Variants in SH3RF1 observed in about 807,000 individuals in gnomAD.
SH3RF1 encodes the protein E3 ubiquitin-protein ligase SH3RF1.
SH3RF1 carries 32 observed loss-of-function variants against 74.0 expected under a neutral mutation model. The observed-to-expected ratio is 0.43, with a 90% CI of 0.33 to 0.58. The LOEUF (loss-of-function observed/expected upper bound fraction) is 0.58, where lower values mean the gene tolerates loss of function less well. Among genes scored for constraint, SH3RF1 ranks in the 20% least tolerant of loss-of-function variants. The pLI is 0.05. For missense variants in SH3RF1, 954 were observed against 1,130.9 expected (o/e 0.84, Z 2.24); for synonymous variants, 396 against 439.6 (o/e 0.90, Z 1.24).
intron 2 of SH3RF1, among the ~76,000 whole-genome samples, chr4:169,211,838 A>G (rs1181109644): frequency 1.3e-5 from 2 of 152,160 alleles, no homozygotes; most frequent in Non-Finnish European, 2.9e-5. Context: ...CCAAGTCACC[A>G]TCTGGATAAC....
At chr4:169,212,226 A>G (rs1730389477) in intron 2 of SH3RF1, among the ~76,000 whole-genome samples, 1 of 151,604 alleles carries the variant, frequency 6.6e-6, no homozygotes, top group South Asian at 2.1e-4. Flanking sequence ...CACCATGCCC[A>G]GCTGATTTTG....
At chr4:169,196,422 G>T (rs1358188915) in intron 2 of SH3RF1, among the ~76,000 whole-genome samples, 1 of 152,198 alleles carries the variant, frequency 6.6e-6, no homozygotes, top group African/African-American at 2.4e-5. Context: ...AGAACCTATA[G>T]ACAATGTTAG....
intron 4 of SH3RF1, among the ~76,000 whole-genome samples, chr4:169,147,457 A>G: frequency 6.6e-6 from 1 of 152,182 alleles, no homozygotes; most frequent in Non-Finnish European, 1.5e-5. Context: ...TACTTAAAGC[A>G]CGTGTGGATG....
rs772495249 is a variant in SH3RF1, at chr4:169,116,630, A to G, written c.1778T>C (p.Val593Ala). Reference protein sequence around the residue: ...VNQARNAVRTVAAHNQERPTA... With the variant: ...VNQARNAVRTAAAHNQERPTA... ...GGGGCGTTCCTGGTTGTGCGCTGCA[A>G]CTAGTAGATGGGAAGAGGGAACACA... The change falls in exon 10 of 12, where the codon GTT (valine) becomes GCT (alanine). Residue 593 changes from valine (V) to alanine (A), a missense_variant and splice_region_variant. Val to Ala is a moderately conservative substitution (Grantham distance 64). Coordinates refer to ENST00000284637, the MANE Select transcript of SH3RF1 (RefSeq NM_020870.4). The G allele has an allele frequency of 6.5e-7, 1 of 1,530,224 alleles. No homozygotes were observed. The highest frequency in any genetic ancestry group is 8.8e-7 in the Non-Finnish European group (1 of 1,135,908). 94.8% of individuals were successfully genotyped at this position (1,530,224 alleles called of 1,614,324 possible).
intron 2 of SH3RF1, among the ~76,000 whole-genome samples, chr4:169,248,775 C>T (rs1731049590): frequency 1.3e-5 from 2 of 152,298 alleles, no homozygotes; most frequent in South Asian, 4.1e-4. Context: ...CAGACACAGA[C>T]AACAAAGGCT....
chr4:169,234,946 G>A (rs562680563), intron 2 of SH3RF1, among the ~76,000 whole-genome samples: 2 of 152,172 alleles, frequency 1.3e-5, no homozygotes, highest in East Asian at 3.9e-4. Context: ...ATGACAAAAT[G>A]TCACCAGACA....
intron 4 of SH3RF1, among the ~76,000 whole-genome samples, chr4:169,153,391 T>G (rs1734003381): frequency 1.3e-5 from 2 of 152,202 alleles, no homozygotes; most frequent in Non-Finnish European, 2.9e-5. Flanking sequence ...AGAGAATTAT[T>G]TACCAATTTT....
intron 2 of SH3RF1, among the ~76,000 whole-genome samples, chr4:169,165,951 CA>C (rs1436738047): frequency 6.6e-6 from 1 of 151,988 alleles, no homozygotes; most frequent in Non-Finnish European, 1.5e-5. Flanking sequence ...ACACTATACA[CA>C]AAAATTAATT....
chr4:169,137,612 C>T (rs1408100956), intron 4 of SH3RF1, among the ~76,000 whole-genome samples: 1 of 152,170 alleles, frequency 6.6e-6, no homozygotes, highest in African/African-American at 2.4e-5. Flanking sequence ...ACACATTGGG[C>T]ACTTCACAAA....
Position 169,116,566 on chromosome 4 carries a change from G to A in SH3RF1, c.1842C>T (p.Ala614=), listed in dbSNP as rs377074300. 1.6e-4 allele frequency: 262 copies of A among 1,600,960 alleles called. No homozygotes were observed. Among genetic ancestry groups the A allele is most frequent in the South Asian group, 2.4e-4 (21 of 88,610 alleles). ...AVTPIQVQNA[A]GLSPASVGLS... is the part of the protein sequence containing the mutation. ...GGCCCACAGATGCAGGGCTGAGGCCGGCGGCATTCTGTACCTGGATGGGTG... is the reference window on the plus strand; with the variant it reads ...GGCCCACAGATGCAGGGCTGAGGCCAGCGGCATTCTGTACCTGGATGGGTG... Residue 614 remains alanine (A), a synonymous_variant, in exon 10 of 12, where the codon GCC becomes GCT. Coordinates refer to ENST00000284637, the MANE Select transcript of SH3RF1 (RefSeq NM_020870.4).
At chr4:169,096,745 T>C in intron 11 of SH3RF1, 58 bp from the exon 12 acceptor site, 2 of 1,529,714 alleles carry the variant, frequency 1.3e-6, no homozygotes, top group Non-Finnish European at 8.9e-7. Context: ...TAAAAAATGG[T>C]GTACTGTTAG....
intron 2 of SH3RF1, 46 bp from the exon 3 acceptor site, chr4:169,156,725 A>G (rs1224850322): frequency 6.6e-7 from 1 of 1,507,518 alleles, no homozygotes; most frequent in East Asian, 2.3e-5. Flanking sequence ...TAATGGTCTT[A>G]AAATGTCTCT....
intron 11 of SH3RF1, among the ~76,000 whole-genome samples, chr4:169,097,362 T>C (rs1732949892): frequency 6.6e-6 from 1 of 152,184 alleles, no homozygotes; most frequent in African/African-American, 2.4e-5. Flanking sequence ...AATCCAACAT[T>C]ACCAGTAACG....
chr4:169,216,050 C>T (rs1015704465), intron 2 of SH3RF1, among the ~76,000 whole-genome samples: 4 of 152,094 alleles, frequency 2.6e-5, no homozygotes, highest in Non-Finnish European at 5.9e-5. Flanking sequence ...GAGATCTGCC[C>T]ACCTTGGCCT....
chr4:169,140,679 C>T (rs1056046279), intron 4 of SH3RF1, among the ~76,000 whole-genome samples: 7 of 152,118 alleles, frequency 4.6e-5, no homozygotes, highest in Non-Finnish European at 1.0e-4. Flanking sequence ...TATGGTTGCC[C>T]TCTTTGCTAG....
At position 169,107,058 on chromosome 4, in the gene SH3RF1, G is replaced by C. The variant is rs1733157582; in HGVS notation, c.2287C>G (p.Pro763Ala). The change falls in exon 11 of 12, where the codon CCA becomes GCA. Residue 763 changes from proline (P) to alanine (A), a missense_variant. By Grantham distance (27) the Pro-to-Ala change is conservative. Transcript: ENST00000284637. ...CCTGCCCTGCCATGGCCACCTCCTG[G>C]TGGCAGTTCGGGCCCCACCGCTCCC... The part of the protein sequence containing the change: ...LQGAVGPELP[P>A]GGGHGRAGSC... The C allele has an allele frequency of 6.2e-7, 1 of 1,613,864 alleles. No homozygotes were observed. The highest frequency in any genetic ancestry group is 1.1e-5 in the South Asian group (1 of 91,076).
intron 2 of SH3RF1, among the ~76,000 whole-genome samples, chr4:169,216,640 A>T (rs1248416564): frequency 6.6e-6 from 1 of 152,204 alleles, no homozygotes; most frequent in Non-Finnish European, 1.5e-5. Context: ...CAGTGGTTTG[A>T]GACCAGCCTA....
intron 2 of SH3RF1, among the ~76,000 whole-genome samples, chr4:169,205,787 A>T (rs1022443353): frequency 6.6e-6 from 1 of 152,260 alleles, no homozygotes; most frequent in Admixed American, 6.5e-5. Context: ...GACCCCAGGA[A>T]TATTTAAAGA....
chr4:169,133,931 G>C (rs943586109), intron 5 of SH3RF1, among the ~76,000 whole-genome samples: 2 of 152,176 alleles, frequency 1.3e-5, no homozygotes, highest in African/African-American at 4.8e-5. Flanking sequence ...GGGAAAAGGA[G>C]AGTCCTGTTT....
Sources: allele counts gnomAD v4.1 joint callset (sites outside exome capture counted in the v4.1 genomes callset), GRCh38; gene constraint gnomAD v4.1.1; transcripts MANE v1.5; gene names NCBI Gene and HGNC (gene_info 2026-07-23, HGNC 2026-07-21).